The following AKT3 variants were observed in gnomAD, a reference collection of about 807,000 sequenced individuals.
The protein encoded by AKT3 is AKT serine/threonine kinase 3.
Under a neutral mutation model 65.3 loss-of-function variants are expected in AKT3, and 15 were observed. The ratio of observed to expected loss-of-function variants is 0.23; its 90% CI spans 0.15 to 0.35. The LOEUF (loss-of-function observed/expected upper bound fraction) is 0.35. AKT3 is among the 10% of genes least tolerant of loss of function. The pLI is 1.00. For synonymous variants in AKT3, 206 were observed against 183.8 expected (o/e 1.12, Z -0.98); for missense variants, 243 against 576.5 (o/e 0.42, Z 5.92).
At chr1:243,627,868 A>G (rs964744797) in intron 6 of AKT3, among the ~76,000 whole-genome samples, 1 of 152,214 alleles carries the variant, frequency 6.6e-6, no homozygotes, top group East Asian at 1.9e-4. Flanking sequence ...CAATCCGTAA[A>G]ACTACCTGAA....
At chr1:243,618,226 G>T (rs182071751) in intron 6 of AKT3, among the ~76,000 whole-genome samples, 1 of 152,176 alleles carries the variant, frequency 6.6e-6, no homozygotes, top group African/African-American at 2.4e-5. Context: ...AAGACGTATG[G>T]AGGCAAAAGC....
rs138309077 is a variant in AKT3, at chr1:243,785,134, G to A, written c.46+57991C>T. 5.6e-3 allele frequency among the ~76,000 whole-genome samples: 841 copies of A among 148,988 alleles called. 27 individuals carry two copies. The highest frequency in any genetic ancestry group is 0.041 in the Admixed American group (612 of 14,826). On this transcript the variant is annotated intron_variant, in intron 2 of 13. Transcript: ENST00000673466. ...GGCTGGAGTGCAGTGGTGCAATCTC[G>A]GCTCACTGCAAGCTCCGCCTCCTGG...
chr1:243,577,113 A>G (rs539260662), intron 8 of AKT3, among the ~76,000 whole-genome samples: 25 of 152,284 alleles, frequency 1.6e-4, no homozygotes, highest in African/African-American at 6.0e-4. Context: ...ACCTGACAAA[A>G]ACAAGCAATA....
chr1:243,767,433 T>C (rs1279404146), intron 2 of AKT3, among the ~76,000 whole-genome samples: 1 of 152,186 alleles, frequency 6.6e-6, no homozygotes, highest in Admixed American at 6.5e-5. Flanking sequence ...CATAGACTAA[T>C]ATATGAACCA....
intron 4 of AKT3, among the ~76,000 whole-genome samples, chr1:243,651,450 G>A (rs1043867141): frequency 7.2e-5 from 11 of 152,152 alleles, no homozygotes; most frequent in East Asian, 3.8e-4. Flanking sequence ...AGTGGTGAGA[G>A]GGGGCATCCT....
In AKT3 at chr1:243,503,510, G is replaced by C. The variant is rs1461952257; in HGVS notation, c.*1739C>G. On this transcript the variant is annotated 3_prime_UTR_variant, in exon 14 of 14. Coordinates refer to ENST00000673466, the MANE Select transcript of AKT3 (RefSeq NM_005465.7). Reference sequence around the variant, plus strand: ...ACTCCGCGGAGTAGGATGGCCTTCTGCTTGCCGCAAGAGTGGCCCCCAGCC... The same window carrying C: ...ACTCCGCGGAGTAGGATGGCCTTCTCCTTGCCGCAAGAGTGGCCCCCAGCC... 1 of 233,208 alleles carries C rather than the reference G, an allele frequency of 4.3e-6. No individual in the cohort carries two copies. Among genetic ancestry groups the C allele is most frequent in the Non-Finnish European group, 8.5e-6 (1 of 117,878 alleles). 14.4% of individuals were successfully genotyped at this position (233,208 alleles called of 1,614,324 possible).
chr1:243,810,303 A>C (rs1693045708), intron 2 of AKT3, among the ~76,000 whole-genome samples: 1 of 152,232 alleles, frequency 6.6e-6, no homozygotes, highest in East Asian at 1.9e-4. Flanking sequence ...AAGAAAAGAG[A>C]GAAGAATCAA....
At chr1:243,583,000 TAA>T (rs556576980) in intron 8 of AKT3, among the ~76,000 whole-genome samples, 9 of 136,308 alleles carry the variant, frequency 6.6e-5, no homozygotes, top group Non-Finnish European at 8.0e-5. Flanking sequence ...TAACAGCAGT[TAA>T]AAAAAAAAAA....
At chr1:243,542,494 G>C (rs149000546) in intron 12 of AKT3, among the ~76,000 whole-genome samples, 7 of 152,136 alleles carry the variant, frequency 4.6e-5, no homozygotes, top group African/African-American at 1.7e-4. Context: ...ATCACCTCTC[G>C]ATGTGCAGCA....
At chr1:243,680,309 T>C (rs1407653005) in intron 3 of AKT3, among the ~76,000 whole-genome samples, 2 of 152,010 alleles carry the variant, frequency 1.3e-5, no homozygotes, top group African/African-American at 4.8e-5. Flanking sequence ...AACAAATGAA[T>C]GAAAAAAGCT....
chr1:243,813,563 T>C (rs1179322060), intron 2 of AKT3, among the ~76,000 whole-genome samples: 1 of 152,142 alleles, frequency 6.6e-6, no homozygotes, highest in Non-Finnish European at 1.5e-5. Context: ...TAACGTTAGA[T>C]TTTTATTTTC....
chr1:243,797,893 T>C (rs1031795054), intron 2 of AKT3, among the ~76,000 whole-genome samples: 11 of 147,950 alleles, frequency 7.4e-5, no homozygotes, highest in African/African-American at 2.0e-4. Context: ...TTTTCTTTTT[T>C]TTTTTTTGAG....
At chr1:243,775,142 C>A (rs957240235) in intron 2 of AKT3, among the ~76,000 whole-genome samples, 7 of 152,086 alleles carry the variant, frequency 4.6e-5, no homozygotes, top group Non-Finnish European at 8.8e-5. Flanking sequence ...GCATTACAGG[C>A]GTGAGCTACC....
At chr1:243,593,988 A>G (rs1676423267) in intron 8 of AKT3, among the ~76,000 whole-genome samples, 1 of 152,226 alleles carries the variant, frequency 6.6e-6, no homozygotes, top group Non-Finnish European at 1.5e-5. Flanking sequence ...CATGCCATAC[A>G]AACAAGAATG....
chr1:243,740,303 G>A (rs939285460), intron 2 of AKT3, among the ~76,000 whole-genome samples: 2 of 152,164 alleles, frequency 1.3e-5, no homozygotes, highest in African/African-American at 4.8e-5. Context: ...AGTGTCAAGG[G>A]ACTTGTGAGA....
chr1:243,769,031 A>G (rs1690008703), intron 2 of AKT3, among the ~76,000 whole-genome samples: 1 of 152,110 alleles, frequency 6.6e-6, no homozygotes, highest in African/African-American at 2.4e-5. Context: ...TCTCCTGACC[A>G]TGAAACCACT....
rs543765920 is a variant in AKT3 at position 243,615,063 on chromosome 1, T to TA, written c.627+32dup. On this transcript the variant is annotated intron_variant, in intron 7 of 13. Transcript: ENST00000673466. ...ATAAAATTCCTTAAATTTCAAATGT[T>TA]ACGATTATAACATCTGTCCTCTAGT... 1.1e-3 allele frequency: 1,630 copies of TA among 1,424,740 alleles called. 2 individuals carry two copies. Among genetic ancestry groups the TA allele is most frequent in the Admixed American group, 2.2e-3 (116 of 52,002 alleles). The allele number at this position is 1,424,740 out of a possible 1,614,324, so 88.3% of individuals were successfully genotyped here.
intron 2 of AKT3, among the ~76,000 whole-genome samples, chr1:243,842,334 A>T (rs200727922): frequency 6.6e-6 from 1 of 152,224 alleles, no homozygotes; most frequent in African/African-American, 2.4e-5. Flanking sequence ...AGAATGGAAC[A>T]GTCCTCATCC....
intron 2 of AKT3, among the ~76,000 whole-genome samples, chr1:243,785,345 T>A (rs1691196118): frequency 6.6e-6 from 1 of 152,112 alleles, no homozygotes; most frequent in Non-Finnish European, 1.5e-5. Context: ...CCCAAAGTGT[T>A]GGGATTACAG....
Sources: allele counts gnomAD v4.1 joint callset (sites outside exome capture counted in the v4.1 genomes callset), GRCh38; gene constraint gnomAD v4.1.1; transcripts MANE v1.5; gene names NCBI Gene and HGNC (gene_info 2026-07-23, HGNC 2026-07-21).